Variants in CCDC191 observed in about 807,000 individuals in gnomAD.
The protein encoded by CCDC191 is coiled-coil domain containing 191.
A neutral mutation model predicts 114.0 loss-of-function variants in CCDC191; 99 were observed. That is an observed-to-expected ratio of 0.87 (90% CI 0.74 to 1.03). CCDC191 has a LOEUF of 1.03. Among genes scored for constraint, CCDC191 ranks in the 50% least tolerant of loss-of-function variants. CCDC191 has a pLI of 0.00. For missense variants in CCDC191, 973 were observed against 1,087.0 expected (o/e 0.90, Z 1.47); for synonymous variants, 351 against 376.0 (o/e 0.93, Z 0.77).
intron 7 of CCDC191, among the ~76,000 whole-genome samples, chr3:114,020,741 C>G (rs931599601): frequency 5.3e-5 from 8 of 152,118 alleles, no homozygotes; most frequent in African/African-American, 1.9e-4. Context: ...AGAGATTCCT[C>G]TTGAATGACT....
chr3:113,995,702 T>G lies in CCDC191; in HGVS notation c.2163+5893A>C, dbSNP rs1370185368. 4.6e-5 allele frequency among the ~76,000 whole-genome samples: 7 copies of G among 152,212 alleles called. No homozygotes were observed. In the East Asian group the frequency reaches 1.3e-3, roughly 29 times the overall value. ...TTCTAGATCCTTGAGGAATCACCAC[T>G]GTCTTCCACAATGGTTGAACTAGTT... is the stretch of plus-strand genomic sequence containing the variant. On this transcript the variant is annotated intron_variant, in intron 13 of 16. Transcript: ENST00000295878.
chr3:113,987,390 A>T (rs1359156849), intron 13 of CCDC191, among the ~76,000 whole-genome samples: 2 of 152,230 alleles, frequency 1.3e-5, no homozygotes, highest in African/African-American at 2.4e-5. Flanking sequence ...CTTATTTTTA[A>T]TTCCACTGAG....
intron 13 of CCDC191, among the ~76,000 whole-genome samples, chr3:113,983,809 C>T (rs183676175): frequency 5.3e-5 from 8 of 152,192 alleles, no homozygotes; most frequent in East Asian, 1.9e-4. Flanking sequence ...TTTTTTCAAC[C>T]GCAAACTTCA....
intron 13 of CCDC191, among the ~76,000 whole-genome samples, chr3:113,992,290 C>T (rs985628010): frequency 5.9e-5 from 9 of 152,178 alleles, no homozygotes; most frequent in Non-Finnish European, 1.3e-4. Context: ...AGTGAGTAAG[C>T]ATTCAGCTCC....
At chr3:114,002,842 A>G in intron 11 of CCDC191, 1 of 970,144 alleles carries the variant, frequency 1.0e-6, no homozygotes, top group Non-Finnish European at 1.2e-6. Flanking sequence ...CTTTTAGTAT[A>G]TGAAACCCAG....
chr3:114,001,203 A>G (rs1464858369), intron 13 of CCDC191, among the ~76,000 whole-genome samples: 5 of 152,220 alleles, frequency 3.3e-5, no homozygotes, highest in Non-Finnish European at 7.3e-5. Flanking sequence ...ATAGTGAACA[A>G]CATCAGACTG....
At chr3:114,007,788 A>C (rs2075996663) in intron 9 of CCDC191, among the ~76,000 whole-genome samples, 1 of 152,224 alleles carries the variant, frequency 6.6e-6, no homozygotes, top group African/African-American at 2.4e-5. Flanking sequence ...GTGTGTTCTT[A>C]GTACATGAGT....
intron 7 of CCDC191, among the ~76,000 whole-genome samples, chr3:114,021,671 A>G (rs1018735221): frequency 2.6e-5 from 4 of 151,892 alleles, no homozygotes; most frequent in Admixed American, 2.6e-4. Context: ...TATTCTTTCT[A>G]TTCCTCCCTC....
intron 1 of CCDC191, among the ~76,000 whole-genome samples, chr3:114,054,966 C>T (rs2076748396): frequency 6.6e-6 from 1 of 151,620 alleles, no homozygotes; most frequent in African/African-American, 2.4e-5. Flanking sequence ...TTTGGCGTTC[C>T]CAGTTCATGA....
chr3:113,967,143 G>T (rs1940268561), intron 16 of CCDC191, among the ~76,000 whole-genome samples: 2 of 151,996 alleles, frequency 1.3e-5, no homozygotes, highest in Non-Finnish European at 2.9e-5. Context: ...CCAAGGAATG[G>T]ATTTACTTCA....
In CCDC191 at chr3:113,964,495, A is replaced by G. The variant is rs1160913893; in HGVS notation, c.*660T>C. ...TTGCAGGTGGGAGCATGAACAGATA[A>G]TTTAATGAATTGCTGGACTGTCATG... On this transcript the variant is annotated 3_prime_UTR_variant, in exon 17 of 17. Transcript: ENST00000295878. 2.0e-5 allele frequency: 3 copies of G among 152,222 alleles called. No homozygotes were observed. Among genetic ancestry groups the G allele is most frequent in the African/African-American group, 7.2e-5 (3 of 41,456 alleles). The allele number at this position is 152,222 out of a possible 1,614,324, so 9.4% of individuals were successfully genotyped here. A position where few individuals can be genotyped will look rare whatever the true frequency, so the allele number is the denominator to read the frequency against.
intron 7 of CCDC191, among the ~76,000 whole-genome samples, chr3:114,025,704 G>A (rs1312122181): frequency 1.3e-5 from 2 of 152,108 alleles, no homozygotes; most frequent in Non-Finnish European, 2.9e-5. Flanking sequence ...CTCAAGTCTG[G>A]AGAAAAGGCA....
chr3:113,982,872 C>T (rs886867648), intron 13 of CCDC191, among the ~76,000 whole-genome samples: 2 of 150,196 alleles, frequency 1.3e-5, no homozygotes, highest in African/African-American at 4.9e-5. Flanking sequence ...AAAAAAAAAC[C>T]AAAAATAAAA....
intron 7 of CCDC191, among the ~76,000 whole-genome samples, chr3:114,021,137 T>C (rs2076238245): frequency 6.6e-6 from 1 of 152,150 alleles, no homozygotes; most frequent in Non-Finnish European, 1.5e-5. Context: ...GAAAGGCACA[T>C]TTTTTGCTGC....
At chr3:114,034,897 C>A in intron 6 of CCDC191, 28 bp downstream of exon 6, 1 of 1,587,270 alleles carries the variant, frequency 6.3e-7, no homozygotes, top group African/African-American at 1.3e-5. Context: ...AACAGAGAAA[C>A]CCCACAGTGC....
Position 114,056,321 on chromosome 3 carries a change from G to A in CCDC191, c.90+56C>T. The stretch of plus-strand genomic sequence containing the variant: ...ACAGACGGGCCGCGACTGGCTTCCT[G>A]ACTGCGCCGCGCCTTGGGAAAGTCC... On this transcript the variant is annotated intron_variant, in intron 1 of 16. Transcript: ENST00000295878. 3.8e-6 allele frequency: 6 copies of A among 1,561,320 alleles called. No individual in the cohort carries two copies. In the South Asian group the frequency reaches 5.6e-5, roughly 14 times the overall value.
Position 114,001,790 on chromosome 3 carries a change from G to T in CCDC191, c.2062-94C>A, listed in dbSNP as rs527862419. 2.0e-6 allele frequency: 3 copies of T among 1,468,008 alleles called. No homozygotes were observed. In the African/African-American group the frequency reaches 4.2e-5, roughly 21 times the overall value. The allele number at this position is 1,468,008 out of a possible 1,614,324, so 90.9% of individuals were successfully genotyped here. ...AGGATAGTCAAGCGTCTACCAAAGTGCCTGTCCTATCTCTGGAAGAAGTCT... is the reference window on the plus strand; with the variant it reads ...AGGATAGTCAAGCGTCTACCAAAGTTCCTGTCCTATCTCTGGAAGAAGTCT... On this transcript the variant is annotated intron_variant, in intron 12 of 16. Coordinates refer to ENST00000295878, the MANE Select transcript of CCDC191 (RefSeq NM_020817.2).
chr3:114,007,279 G>T (rs1027814832), intron 9 of CCDC191, among the ~76,000 whole-genome samples: 1 of 152,142 alleles, frequency 6.6e-6, no homozygotes, highest in African/African-American at 2.4e-5. Context: ...GGCTTAAAGA[G>T]AAAAATGCTA....
At chr3:114,055,629 G>A (rs1390713190) in intron 1 of CCDC191, among the ~76,000 whole-genome samples, 1 of 152,232 alleles carries the variant, frequency 6.6e-6, no homozygotes, top group Non-Finnish European at 1.5e-5. Context: ...TGAAAGCTGA[G>A]AAGCTTCTCC....
Sources: gnomAD v4.1 joint callset for allele counts (sites outside exome capture counted in the v4.1 genomes callset) on GRCh38, gnomAD v4.1.1 for gene constraint, MANE v1.5 for transcripts, NCBI Gene and HGNC (gene_info 2026-07-23, HGNC 2026-07-21) for gene names.